HS1BP3: variants seen among roughly 807,000 people sequenced by gnomAD.
HS1BP3 encodes the protein HCLS1 binding protein 3, also known as HCLS1-binding protein 3.
In HS1BP3, 32 loss-of-function variants were observed where a neutral mutation model predicts 33.5. That is an observed-to-expected ratio of 0.95 (90% CI 0.72 to 1.28). The LOEUF is 1.28. Among genes scored for constraint, HS1BP3 ranks in the 50% most tolerant of loss-of-function variants. The pLI, the probability that HS1BP3 is intolerant of heterozygous loss-of-function variation, is 0.00. For synonymous variants in HS1BP3, 187 were observed against 209.2 expected (o/e 0.89, Z 0.92); for missense variants, 486 against 502.3 (o/e 0.97, Z 0.31).
chr2:20,645,432 A>C lies in HS1BP3; in HGVS notation c.106T>G (p.Ser36Ala). 1 of 1,614,156 alleles carries C rather than the reference A, an allele frequency of 6.2e-7. No homozygotes were observed. The highest frequency in any genetic ancestry group is 8.5e-7 in the Non-Finnish European group (1 of 1,180,018). Residue 36 changes from serine to alanine, a missense_variant, in exon 2 of 7, where the codon TCT becomes GCT. Coordinates refer to ENST00000304031, the MANE Select transcript of HS1BP3 (RefSeq NM_022460.4). ...AGGATCTGGTACTCCACGTGTCCAGACATCATCTTGCCCCGTACCTCCTGG... is the reference window on the plus strand; with the variant it reads ...AGGATCTGGTACTCCACGTGTCCAGCCATCATCTTGCCCCGTACCTCCTGG... ...QHQEVRGKMM[S>A]GHVEYQILVV...
chr2:20,566,619 T>G (rs910024931), intron 5 of HS1BP3, among the ~76,000 whole-genome samples: 7 of 151,812 alleles, frequency 4.6e-5, no homozygotes, highest in Admixed American at 2.0e-4. Context: ...TTTGTTTTTT[T>G]TTTTGAGATG....
At chr2:20,631,678 G>C (rs1287859283) in intron 4 of HS1BP3, among the ~76,000 whole-genome samples, 1 of 151,780 alleles carries the variant, frequency 6.6e-6, no homozygotes, top group Non-Finnish European at 1.5e-5. Flanking sequence ...TATCTTGAGG[G>C]GCCAGGACTC....
chr2:20,642,707 G>C (rs1436575061), intron 2 of HS1BP3, among the ~76,000 whole-genome samples: 1 of 152,240 alleles, frequency 6.6e-6, no homozygotes, highest in Admixed American at 6.5e-5. Context: ...ACCCCACCCA[G>C]GGCCCACGTC....
intron 1 of HS1BP3, among the ~76,000 whole-genome samples, chr2:20,647,030 A>G (rs186491969): frequency 3.7e-4 from 56 of 152,332 alleles, no homozygotes; most frequent in African/African-American, 1.3e-3. Context: ...GAAGCCAGGC[A>G]TCATTTCTTT....
downstream of HS1BP3, among the ~76,000 whole-genome samples, chr2:20,559,146 A>G (rs1692912886): frequency 1.3e-5 from 2 of 152,150 alleles, no homozygotes; most frequent in Admixed American, 1.3e-4. Flanking sequence ...GGGGCCAGAG[A>G]GGGAGAGGGC....
At chr2:20,638,784 G>C in intron 3 of HS1BP3, 132 bp from the exon 4 acceptor site, 1 of 687,970 alleles carries the variant, frequency 1.5e-6, no homozygotes, top group South Asian at 1.9e-5. Flanking sequence ...GACCAAACTC[G>C]TCCCTCCTGG....
chr2:20,622,390 G>A, intron 6 of HS1BP3: 2 of 1,201,704 alleles, frequency 1.7e-6, no homozygotes, highest in Non-Finnish European at 2.2e-6. Context: ...AGGTGGGGGT[G>A]CGGGACCCAC....
chr2:20,603,192 G>C (rs1035447627), intron 2 of HS1BP3, among the ~76,000 whole-genome samples: 1 of 152,132 alleles, frequency 6.6e-6, no homozygotes, highest in Non-Finnish European at 1.5e-5. Context: ...GTTAAACATA[G>C]AATCACCATA....
rs191917577 is a variant in HS1BP3, at chr2:20,633,814, C to T, written c.623+4622G>A. Among the ~76,000 whole-genome samples, 422 of 152,368 alleles carry T rather than the reference C, an allele frequency of 2.8e-3. 3 individuals are homozygous for T. Among genetic ancestry groups the T allele is most frequent in the Middle Eastern group, 0.014 (4 of 294 alleles). On this transcript the variant is annotated intron_variant, in intron 4 of 6. Coordinates refer to ENST00000304031, the MANE Select transcript of HS1BP3 (RefSeq NM_022460.4). ...CTGGGATTACAGGCGTGAGCTGCTG[C>T]GTCCGGCCACGGCAGTAATCTGGAT...
intron 5 of HS1BP3, among the ~76,000 whole-genome samples, chr2:20,575,333 C>A (rs1693373335): frequency 6.6e-6 from 1 of 152,244 alleles, no homozygotes; most frequent in South Asian, 2.1e-4. Flanking sequence ...GCCAGAGACA[C>A]ATAGTGTCAA....
At chr2:20,567,138 G>A (rs914811563) in intron 5 of HS1BP3, among the ~76,000 whole-genome samples, 1 of 151,524 alleles carries the variant, frequency 6.6e-6, no homozygotes, top group African/African-American at 2.4e-5. Context: ...TTACTAGTTC[G>A]TTTTACAGAC....
At chr2:20,565,286 C>G (rs1401442248) in intron 5 of HS1BP3, among the ~76,000 whole-genome samples, 1 of 152,184 alleles carries the variant, frequency 6.6e-6, no homozygotes, top group Non-Finnish European at 1.5e-5. Flanking sequence ...AGGGCAGCAG[C>G]CCCCGTGTCG....
intron 3 of HS1BP3, among the ~76,000 whole-genome samples, chr2:20,595,656 G>A (rs777701641): frequency 6.6e-6 from 1 of 152,222 alleles, no homozygotes; most frequent in Admixed American, 6.5e-5. Context: ...TTCTTCCCTA[G>A]GTCTATCTTT....
intron 5 of HS1BP3, among the ~76,000 whole-genome samples, chr2:20,564,612 T>A (rs1421687578): frequency 6.6e-6 from 1 of 152,138 alleles, no homozygotes; most frequent in Non-Finnish European, 1.5e-5. Flanking sequence ...GCCACCCGAA[T>A]AACTGGGACT....
chr2:20,628,971 A>G (rs952016732), intron 4 of HS1BP3, among the ~76,000 whole-genome samples: 2 of 152,156 alleles, frequency 1.3e-5, no homozygotes, highest in African/African-American at 4.8e-5. Context: ...AGCTTTGCTC[A>G]TGGTCCATAG....
intron 2 of HS1BP3, among the ~76,000 whole-genome samples, chr2:20,643,582 C>T (rs1242249179): frequency 2.0e-5 from 3 of 152,182 alleles, no homozygotes; most frequent in Non-Finnish European, 4.4e-5. Flanking sequence ...AAATGAAAAA[C>T]AGCATTGCTA....
chr2:20,618,930 C>A lies in HS1BP3; in HGVS notation c.*57G>T. On this transcript the variant is annotated 3_prime_UTR_variant, in exon 7 of 7. Coordinates refer to ENST00000304031, the MANE Select transcript of HS1BP3 (RefSeq NM_022460.4). The stretch of plus-strand genomic sequence containing the variant: ...GACCCTGCAGGGCCCAGTCCCTTCC[C>A]TTCACACCGATGTCCCCACAGACAG... The A allele has an allele frequency of 1.3e-6, 2 of 1,568,744 alleles. No homozygotes were observed. The highest frequency in any genetic ancestry group is 2.3e-5 in the East Asian group (1 of 44,360).
At chr2:20,573,374 A>G (rs1194520933) in intron 5 of HS1BP3, among the ~76,000 whole-genome samples, 1 of 152,032 alleles carries the variant, frequency 6.6e-6, no homozygotes, top group Non-Finnish European at 1.5e-5. Context: ...CTCTTTAACC[A>G]TGGGGTCCTC....
At chr2:20,623,686 A>G in intron 6 of HS1BP3, 1 of 466,392 alleles carries the variant, frequency 2.1e-6, no homozygotes, top group Non-Finnish European at 3.7e-6. Flanking sequence ...TCTTTCTGGA[A>G]CTAGCTGAGC....
Sources: allele counts gnomAD v4.1 joint callset (sites outside exome capture counted in the v4.1 genomes callset), GRCh38; gene constraint gnomAD v4.1.1; transcripts MANE v1.5; gene names NCBI Gene and HGNC (gene_info 2026-07-23, HGNC 2026-07-21).